The following LRRK2 variants were observed in gnomAD, a reference collection of about 807,000 sequenced individuals.
LRRK2 encodes leucine-rich repeat serine/threonine-protein kinase 2.
Under a neutral mutation model 302.6 loss-of-function variants are expected in LRRK2, and 203 were observed. The observed-to-expected ratio is 0.67, with a 90% confidence interval of 0.60 to 0.75. The LOEUF is 0.75. LRRK2 is among the 30% of genes least tolerant of loss of function. LRRK2 has a pLI of 0.00. For synonymous variants in LRRK2, 1,066 were observed against 1,031.9 expected (o/e 1.03, Z -0.63); for missense variants, 2,830 against 2,951.0 (o/e 0.96, Z 0.95).
chr12:40,294,653 C>T (rs1479926783), intron 21 of LRRK2, among the ~76,000 whole-genome samples, 192 bp from the exon 22 acceptor site: 1 of 151,956 alleles, frequency 6.6e-6, no homozygotes, highest in Non-Finnish European at 1.5e-5. Context: ...TAGATGCTTT[C>T]TAAGGTCATT....
intron 13 of LRRK2, among the ~76,000 whole-genome samples, chr12:40,259,868 G>A (rs541751227): frequency 2.0e-5 from 3 of 152,106 alleles, no homozygotes; most frequent in African/African-American, 4.8e-5. Flanking sequence ...TTTAAGGAGG[G>A]TGTTCATCTC....
At position 40,315,305 on chromosome 12, in the gene LRRK2, G is replaced by T. The variant is rs202247324; in HGVS notation, c.4827+5G>T. On this transcript the variant is annotated splice_donor_5th_base_variant and intron_variant, in intron 33 of 50. Coordinates refer to ENST00000298910, the MANE Select transcript of LRRK2 (RefSeq NM_198578.4). ...CTTTGTAAAATCATGGCACAGGTTG[G>T]TGTCTTTTATTTTTGTGGCACGGGG... The T allele has an allele frequency of 6.8e-6, 11 of 1,610,074 alleles. No individual in the cohort carries two copies. The highest frequency in any genetic ancestry group is 8.5e-6 in the Non-Finnish European group (10 of 1,176,674).
intron 47 of LRRK2, among the ~76,000 whole-genome samples, chr12:40,362,802 C>T (rs968242761): frequency 2.0e-5 from 3 of 151,860 alleles, no homozygotes; most frequent in Admixed American, 6.6e-5. Context: ...TTAAGGTGTT[C>T]GTAATTTTTC....
intron 41 of LRRK2, 145 bp downstream of exon 41, chr12:40,340,599 A>G (rs1242454910): frequency 2.3e-6 from 2 of 852,466 alleles, no homozygotes; most frequent in Non-Finnish European, 3.9e-6. Context: ...CAAGCATCAC[A>G]TTGTGATTTT....
chr12:40,238,841 A>G (rs1016456252), intron 5 of LRRK2, among the ~76,000 whole-genome samples: 2 of 152,210 alleles, frequency 1.3e-5, no homozygotes, highest in African/African-American at 2.4e-5. Context: ...AGATCACCTG[A>G]TAACTGTTGA....
At chr12:40,299,086 AT>A (rs1469993232) in intron 24 of LRRK2, 22 bp from the exon 25 acceptor site, 2 of 1,609,694 alleles carry the variant, frequency 1.2e-6, no homozygotes, top group Admixed American at 1.7e-5. Flanking sequence ...CAATTTAATC[AT>A]TATCTTGTCT....
chr12:40,287,503 A>G lies in LRRK2; in HGVS notation c.2653A>G (p.Ser885Gly), dbSNP rs1458719728. The change falls in exon 20 of 51, where the codon AGT becomes GGT. Residue 885 changes from serine (S) to glycine (G), a missense_variant. Ser to Gly is a moderately conservative substitution (Grantham distance 56). Transcript: ENST00000298910. ...CTTTATTCCTGACTCTTCTATGGACAGTGTGTTTGCTCAAAGTGATGACCT... is the reference window on the plus strand; with the variant it reads ...CTTTATTCCTGACTCTTCTATGGACGGTGTGTTTGCTCAAAGTGATGACCT... Reference protein sequence around the residue: ...WTFIPDSSMDSVFAQSDDLDS... With the variant: ...WTFIPDSSMDGVFAQSDDLDS... 1.9e-6 allele frequency: 3 copies of G among 1,612,674 alleles called. No individual in the cohort carries two copies. Among genetic ancestry groups the G allele is most frequent in the Admixed American group, 1.7e-5 (1 of 59,874 alleles).
chr12:40,357,183 T>C (rs1264949503), intron 46 of LRRK2, among the ~76,000 whole-genome samples: 1 of 152,196 alleles, frequency 6.6e-6, no homozygotes, highest in Non-Finnish European at 1.5e-5. Context: ...AGTGAGTACA[T>C]GTGATATTTG....
intron 12 of LRRK2, among the ~76,000 whole-genome samples, chr12:40,259,251 G>A (rs978255084): frequency 1.1e-4 from 16 of 152,304 alleles, no homozygotes; most frequent in African/African-American, 3.8e-4. Flanking sequence ...GATGTTGTTA[G>A]TTTTATGAAG....
intron 29 of LRRK2, 37 bp from the exon 30 acceptor site, chr12:40,309,069 G>C: frequency 6.2e-7 from 1 of 1,609,398 alleles, no homozygotes; most frequent in Non-Finnish European, 8.5e-7. Context: ...CCTGTCGTTT[G>C]AAAGATTAAA....
chr12:40,329,117 T>C (rs1401878203), intron 39 of LRRK2, among the ~76,000 whole-genome samples: 1 of 152,346 alleles, frequency 6.6e-6, no homozygotes, highest in South Asian at 2.1e-4. Flanking sequence ...GCACCTCTCT[T>C]TTCTGGATTT....
In LRRK2 at chr12:40,225,191, A is replaced by T. The variant is rs1940803472; in HGVS notation, c.60A>T (p.Ile20=). 6.2e-7 allele frequency: 1 copy of T among 1,614,090 alleles called. No homozygotes were observed. The highest frequency in any genetic ancestry group is 8.5e-7 in the Non-Finnish European group (1 of 1,180,024). ...ACGAGGAAACTCTGAAGAAGTTGATAGTCAGGCTGAACAATGTCCAGGAAG... is the reference window on the plus strand; with the variant it reads ...ACGAGGAAACTCTGAAGAAGTTGATTGTCAGGCTGAACAATGTCCAGGAAG... The part of the protein sequence containing the change: ...EEDEETLKKL[I]VRLNNVQEGK... The change falls in exon 1 of 51, where the codon ATA becomes ATT. Residue 20 remains isoleucine, a synonymous_variant. Transcript: ENST00000298910.
chr12:40,366,461 G>A (rs1031198547), intron 49 of LRRK2: 1 of 153,892 alleles, frequency 6.5e-6, no homozygotes, highest in Non-Finnish European at 1.4e-5. Context: ...CTCCAAGACG[G>A]TTGGGTTAGT....
intron 7 of LRRK2, 61 bp from the exon 8 acceptor site, chr12:40,249,765 T>G (rs1032411016): frequency 3.1e-5 from 48 of 1,556,638 alleles, no homozygotes; most frequent in Non-Finnish European, 4.1e-5. Context: ...TAGTGTTATA[T>G]GTTAAAGGTA....
At chr12:40,255,352 G>A (rs1265504163) in intron 11 of LRRK2, among the ~76,000 whole-genome samples, 1 of 152,194 alleles carries the variant, frequency 6.6e-6, no homozygotes, top group South Asian at 2.1e-4. Flanking sequence ...GTCGCATATT[G>A]TTTTTTGCCT....
At chr12:40,316,927 G>A (rs1945243510) in intron 33 of LRRK2, among the ~76,000 whole-genome samples, 2 of 152,032 alleles carry the variant, frequency 1.3e-5, no homozygotes, top group Non-Finnish European at 1.5e-5. Context: ...CATAGTCAAG[G>A]AAAAGCTAAA....
intron 48 of LRRK2, among the ~76,000 whole-genome samples, chr12:40,363,902 C>G (rs890242934): frequency 1.3e-5 from 2 of 151,704 alleles, no homozygotes; most frequent in African/African-American, 2.4e-5. Context: ...ATTATGGGCC[C>G]CAGGATTATC....
Position 40,334,984 on chromosome 12 carries a change from C to T in LRRK2, c.5775C>T (p.Cys1925=), listed in dbSNP as rs752278415. 9 of 1,613,992 alleles carry T rather than the reference C, an allele frequency of 5.6e-6. No homozygotes were observed. In the South Asian group the frequency reaches 9.9e-5, roughly 18 times the overall value. ...RLLRQELVVL[C]HLHHPSLISL... is the part of the protein sequence containing the mutation. ...TTTTGCAGGAGCTTGTGGTGCTTTG[C>T]CACCTCCACCACCCCAGTTTGATAT... is the stretch of plus-strand genomic sequence containing the variant. The change falls in exon 40 of 51, where the codon TGC becomes TGT. Residue 1925 remains cysteine, a synonymous_variant. Coordinates refer to ENST00000298910, the MANE Select transcript of LRRK2 (RefSeq NM_198578.4).
intron 2 of LRRK2, among the ~76,000 whole-genome samples, chr12:40,227,177 T>C (rs781644986): frequency 2.8e-4 from 43 of 152,124 alleles, no homozygotes; most frequent in Non-Finnish European, 4.0e-4. Context: ...AGTAATTAAT[T>C]ACTTTTTTGG....
Sources: gnomAD v4.1 joint callset for allele counts (sites outside exome capture counted in the v4.1 genomes callset) on GRCh38, gnomAD v4.1.1 for gene constraint, MANE v1.5 for transcripts, NCBI Gene and HGNC (gene_info 2026-07-23, HGNC 2026-07-21) for gene names.